The following TAOK3 variants were observed in gnomAD, a reference collection of about 807,000 sequenced individuals.
The protein encoded by TAOK3 is serine/threonine-protein kinase TAO3.
A neutral mutation model predicts 120.4 loss-of-function variants in TAOK3; 40 were observed. That is an observed-to-expected ratio of 0.33 (90% CI 0.26 to 0.43). The LOEUF is 0.43. Ranked by LOEUF, TAOK3 falls within the 20% of genes least tolerant of loss-of-function variation. The probability of loss-of-function intolerance (pLI) is 1.00; values close to 1 mark genes in which losing one functional copy is unlikely to be tolerated. For missense variants in TAOK3, 821 were observed against 1,112.1 expected, an observed-to-expected ratio of 0.74 and a Z score of 3.72; for synonymous variants, 355 against 387.5, an observed-to-expected ratio of 0.92 and a Z score of 0.99.
chr12:118,307,850 T>C (rs1475212574), intron 1 of TAOK3, among the ~76,000 whole-genome samples: 2 of 152,172 alleles, frequency 1.3e-5, no homozygotes, highest in Non-Finnish European at 2.9e-5. Context: ...GAGTAGTCTG[T>C]AGACTTGTTA....
In TAOK3 at chr12:118,344,608, C is replaced by G. The variant is rs1395497332; in HGVS notation, c.-194+28040G>C. Among the ~76,000 whole-genome samples the G allele has an allele frequency of 2.0e-5, 3 of 152,014 alleles. No individual in the cohort carries two copies. The East Asian group carries it at 5.8e-4, about 29-fold the overall frequency. ...TCACAGTCCTGTTTTTTAACACTTG[C>G]ATTTGCCTCTCTCTCCACTGTCTCA... On this transcript the variant is annotated intron_variant, in intron 1 of 20. Coordinates refer to ENST00000392533, the MANE Select transcript of TAOK3 (RefSeq NM_016281.4).
At position 118,246,389 on chromosome 12, in the gene TAOK3, C is replaced by T. The variant is rs542762056; in HGVS notation, c.121-1424G>A. 2,625 of 1,573,470 alleles carry T rather than the reference C, an allele frequency of 1.7e-3. 5 individuals carry two copies. Among genetic ancestry groups the T allele is most frequent in the Non-Finnish European group, 2.0e-3 (2,320 of 1,156,572 alleles). On this transcript the variant is annotated intron_variant, in intron 3 of 20. Transcript: ENST00000392533. ...TTGATTTCTTCCTGGGGGCCTCTCT[C>T]AAGGATGAGGTTTTGAAGATTATGC...
chr12:118,218,775 GA>G (rs1423735204), intron 9 of TAOK3, among the ~76,000 whole-genome samples: 2 of 151,988 alleles, frequency 1.3e-5, no homozygotes, highest in African/African-American at 4.8e-5. Flanking sequence ...CCAACATGGT[GA>G]AACCCCGTCT....
At chr12:118,173,433 G>A (rs761093315) in intron 16 of TAOK3, among the ~76,000 whole-genome samples, 32 of 152,162 alleles carry the variant, frequency 2.1e-4, no homozygotes, top group Admixed American at 5.9e-4. Flanking sequence ...TGGCTGCCAT[G>A]GGGAGAACAG....
At chr12:118,264,559 G>T (rs1305442596) in intron 2 of TAOK3, among the ~76,000 whole-genome samples, 2 of 152,166 alleles carry the variant, frequency 1.3e-5, no homozygotes, top group African/African-American at 4.8e-5. Flanking sequence ...GGGGAAGGGG[G>T]TGGTGATGGC....
intron 3 of TAOK3, among the ~76,000 whole-genome samples, chr12:118,249,866 G>A (rs1466476722): frequency 6.6e-6 from 1 of 151,948 alleles, no homozygotes; most frequent in African/African-American, 2.4e-5. Context: ...TTTTAAAAGT[G>A]AAAAAGCTTT....
intron 13 of TAOK3, among the ~76,000 whole-genome samples, chr12:118,194,462 CATT>C (rs1462136217): frequency 6.6e-6 from 1 of 152,038 alleles, no homozygotes; most frequent in Non-Finnish European, 1.5e-5. Context: ...GTTTAAGAAA[CATT>C]ACCTTCATAT....
intron 8 of TAOK3, 136 bp downstream of exon 8, chr12:118,235,418 GCTTT>G: frequency 1.7e-6 from 1 of 587,352 alleles, no homozygotes. Context: ...ATGCCAGTGG[GCTTT>G]CTATCCTTCT....
chr12:118,340,777 A>T (rs924012048), intron 1 of TAOK3, among the ~76,000 whole-genome samples: 1 of 129,638 alleles, frequency 7.7e-6, no homozygotes, highest in Non-Finnish European at 1.6e-5. Context: ...TAAGAACCAT[A>T]AAAAAAAAAA....
chr12:118,251,874 T>C (rs2040768832), intron 3 of TAOK3, among the ~76,000 whole-genome samples: 1 of 151,134 alleles, frequency 6.6e-6, no homozygotes, highest in African/African-American at 2.4e-5. Flanking sequence ...CAGGCTGGAG[T>C]GCAGTGGCAC....
At chr12:118,246,258 G>C (rs2040496453) in intron 3 of TAOK3, 1 of 1,489,030 alleles carries the variant, frequency 6.7e-7, no homozygotes, top group African/African-American at 1.4e-5. Context: ...CGAGGATAAG[G>C]AGTGGATGCC....
At chr12:118,334,672 G>A (rs903837508) in intron 1 of TAOK3, among the ~76,000 whole-genome samples, 15 of 151,902 alleles carry the variant, frequency 9.9e-5, no homozygotes, top group Non-Finnish European at 1.3e-4. Flanking sequence ...TCAGAAGTTT[G>A]AGACCAGCCT....
intron 1 of TAOK3, among the ~76,000 whole-genome samples, chr12:118,267,811 G>C (rs889369425): frequency 8.7e-5 from 13 of 150,112 alleles, no homozygotes; most frequent in Admixed American, 6.7e-5. Context: ...CTTGAACCCA[G>C]GAGGCAGATG....
intron 9 of TAOK3, among the ~76,000 whole-genome samples, chr12:118,232,598 C>A (rs1309154252): frequency 2.0e-5 from 3 of 152,108 alleles, no homozygotes; most frequent in Admixed American, 6.5e-5. Context: ...TCTGCTTCAA[C>A]TCCTTCAATT....
At chr12:118,151,294 C>T (rs1175667534) in intron 20 of TAOK3, 136 bp from the exon 21 acceptor site, 4 of 405,100 alleles carry the variant, frequency 9.9e-6, no homozygotes, top group Admixed American at 9.8e-5. Flanking sequence ...CGCGCGCACA[C>T]ACACACACAC....
At chr12:118,231,215 C>T (rs1362821097) in intron 9 of TAOK3, among the ~76,000 whole-genome samples, 1 of 152,004 alleles carries the variant, frequency 6.6e-6, no homozygotes, top group South Asian at 2.1e-4. Context: ...TGGTTCCCTG[C>T]GTGTGTTGGC....
chr12:118,295,781 C>T lies in TAOK3; in HGVS notation c.-193-29022G>A, dbSNP rs143737182. Among the ~76,000 whole-genome samples, 1,109 of 152,170 alleles carry T rather than the reference C, an allele frequency of 7.3e-3. 8 individuals carry two copies. Among genetic ancestry groups the T allele is most frequent in the Middle Eastern group, 0.037 (11 of 294 alleles). ...TGTCCATCTTTTAAAAAATCTGTGCCCATTTCTGATAAACATAAAAATCTT... is the reference window on the plus strand; with the variant it reads ...TGTCCATCTTTTAAAAAATCTGTGCTCATTTCTGATAAACATAAAAATCTT... On this transcript the variant is annotated intron_variant, in intron 1 of 20. Transcript: ENST00000392533.
intron 1 of TAOK3, among the ~76,000 whole-genome samples, chr12:118,347,605 T>C (rs2044923223): frequency 1.3e-5 from 2 of 152,204 alleles, no homozygotes. Flanking sequence ...TCTTGGTTTG[T>C]GTGGCACTGT....
intron 14 of TAOK3, among the ~76,000 whole-genome samples, chr12:118,182,614 TATATATA>T (rs1479244279): frequency 8.1e-5 from 7 of 86,262 alleles, no homozygotes; most frequent in African/African-American, 3.7e-4. Flanking sequence ...TATATATATA[TATATATA>T]TATTTTTTTT....
Sources: gnomAD v4.1 joint callset for allele counts (sites outside exome capture counted in the v4.1 genomes callset) on GRCh38, gnomAD v4.1.1 for gene constraint, MANE v1.5 for transcripts, NCBI Gene and HGNC (gene_info 2026-07-23, HGNC 2026-07-21) for gene names.